ULK4: variants seen among roughly 807,000 people sequenced by gnomAD.
ULK4 encodes unc-51 like kinase 4, also known as inactive serine/threonine-protein kinase ULK4.
ULK4 carries 133 observed loss-of-function variants against 160.6 expected under a neutral mutation model. The ratio of observed to expected loss-of-function variants is 0.83; its 90% CI spans 0.72 to 0.96. The LOEUF is 0.96. Among genes scored for constraint, ULK4 ranks in the 40% least tolerant of loss-of-function variants. The pLI is 0.00. For synonymous variants in ULK4, 534 were observed against 539.8 expected, an observed-to-expected ratio of 0.99 and a Z score of 0.15; for missense variants, 1,580 against 1,499.5, an observed-to-expected ratio of 1.05 and a Z score of -0.89.
chr3:41,896,031 T>C (rs1423282633), intron 15 of ULK4, among the ~76,000 whole-genome samples: 4 of 152,112 alleles, frequency 2.6e-5, no homozygotes, highest in Admixed American at 2.0e-4. Flanking sequence ...CAAATTCCCT[T>C]GAGCTTACCA....
intron 35 of ULK4, among the ~76,000 whole-genome samples, chr3:41,354,880 T>C (rs539513068): frequency 6.6e-6 from 1 of 152,332 alleles, no homozygotes; most frequent in African/African-American, 2.4e-5. Context: ...ATTTCAGAGA[T>C]CCAGAATGGC....
chr3:41,959,511 G>A (rs1700600972), intron 1 of ULK4, among the ~76,000 whole-genome samples: 1 of 151,840 alleles, frequency 6.6e-6, no homozygotes, highest in African/African-American at 2.4e-5. Context: ...GGTGACAAGA[G>A]ACTCCATATC....
At chr3:41,825,349 T>C (rs1018213243) in intron 18 of ULK4, among the ~76,000 whole-genome samples, 3 of 152,126 alleles carry the variant, frequency 2.0e-5, no homozygotes, top group African/African-American at 4.8e-5. Flanking sequence ...AGGCTTCAGA[T>C]GATCAAACTA....
intron 20 of ULK4, among the ~76,000 whole-genome samples, chr3:41,797,852 A>G (rs1040455355): frequency 6.6e-6 from 1 of 151,920 alleles, no homozygotes; most frequent in African/African-American, 2.4e-5. Flanking sequence ...CAAGAGCACA[A>G]CTCTATCTCA....
intron 35 of ULK4, among the ~76,000 whole-genome samples, chr3:41,278,827 A>G (rs1256067451): frequency 6.6e-6 from 1 of 152,184 alleles, no homozygotes; most frequent in African/African-American, 2.4e-5. Flanking sequence ...AGATAAAACC[A>G]CAAAGATGGG....
At chr3:41,802,990 C>T (rs1387794079) in intron 19 of ULK4, among the ~76,000 whole-genome samples, 3 of 152,016 alleles carry the variant, frequency 2.0e-5, no homozygotes, top group African/African-American at 4.8e-5. Flanking sequence ...TATGGTGAAA[C>T]CCCATCTCTA....
intron 17 of ULK4, among the ~76,000 whole-genome samples, chr3:41,856,606 T>C (rs1489286483): frequency 8.6e-5 from 7 of 81,724 alleles, no homozygotes; most frequent in Non-Finnish European, 1.3e-4. Context: ...TATATATGTG[T>C]ATATATATAC....
At chr3:41,276,854 CA>C in intron 35 of ULK4, among the ~76,000 whole-genome samples, 1 of 151,998 alleles carries the variant, frequency 6.6e-6, no homozygotes, top group East Asian at 1.9e-4. Context: ...CAGTAGCATA[CA>C]AATTAAAACA....
intron 25 of ULK4, among the ~76,000 whole-genome samples, chr3:41,705,651 C>A (rs1445636203): frequency 6.6e-6 from 1 of 152,076 alleles, no homozygotes; most frequent in African/African-American, 2.4e-5. Flanking sequence ...CATGTGCCAC[C>A]ACGCCTGGCT....
chr3:41,886,213 C>T (rs190553121), intron 16 of ULK4, among the ~76,000 whole-genome samples: 1 of 152,052 alleles, frequency 6.6e-6, no homozygotes, highest in South Asian at 2.1e-4. Context: ...ATTTAAATAA[C>T]CCCCATGAAG....
rs145783369 is a variant in ULK4, at chr3:41,486,469, C to T, written c.3227-23216G>A. 2.5e-3 allele frequency among the ~76,000 whole-genome samples: 384 copies of T among 152,216 alleles called. 4 individuals carry two copies. Among genetic ancestry groups the T allele is most frequent in the Admixed American group, 5.0e-3 (76 of 15,292 alleles). On this transcript the variant is annotated intron_variant, in intron 32 of 36. Transcript: ENST00000301831. Reference sequence around the variant, plus strand: ...AGAATTGGCCATCATTTACATTTGACGGAGACTCAAAGGCAGGCAGGGGAG... The same window carrying T: ...AGAATTGGCCATCATTTACATTTGATGGAGACTCAAAGGCAGGCAGGGGAG...
At chr3:41,388,982 C>T (rs926359424) in intron 35 of ULK4, among the ~76,000 whole-genome samples, 31 of 151,910 alleles carry the variant, frequency 2.0e-4, no homozygotes, top group South Asian at 8.3e-4. Flanking sequence ...GCCATTTTCA[C>T]GATATTGATT....
intron 19 of ULK4, among the ~76,000 whole-genome samples, chr3:41,804,045 G>T (rs1301382291): frequency 4.5e-4 from 68 of 151,906 alleles, no homozygotes; most frequent in African/African-American, 1.6e-3. Flanking sequence ...GTTCTAGATC[G>T]CTCAGGAATT....
intron 21 of ULK4, among the ~76,000 whole-genome samples, chr3:41,779,728 C>T (rs1430333368): frequency 3.4e-5 from 2 of 59,618 alleles, no homozygotes; most frequent in Non-Finnish European, 6.0e-5. Flanking sequence ...AGTAAACTAT[C>T]GCAAGAACAA....
intron 2 of ULK4, among the ~76,000 whole-genome samples, chr3:41,938,723 C>G (rs1000169882): frequency 6.6e-6 from 1 of 152,038 alleles, no homozygotes; most frequent in Non-Finnish European, 1.5e-5. Flanking sequence ...TTGTGTAATA[C>G]TCTTATGTGT....
intron 34 of ULK4, among the ~76,000 whole-genome samples, chr3:41,411,625 G>T (rs1226485771): frequency 6.6e-6 from 1 of 151,872 alleles, no homozygotes; most frequent in Admixed American, 6.6e-5. Flanking sequence ...TAGAGACAGG[G>T]TTTCACCATG....
chr3:41,663,283 T>A (rs1031901069), intron 30 of ULK4, among the ~76,000 whole-genome samples: 2 of 152,052 alleles, frequency 1.3e-5, no homozygotes, highest in African/African-American at 4.8e-5. Flanking sequence ...TGATAAATAC[T>A]ATTGAGATTT....
intron 2 of ULK4, among the ~76,000 whole-genome samples, chr3:41,943,113 TGAGGCAGCA>T (rs769475812): frequency 4.0e-5 from 6 of 149,730 alleles, no homozygotes; most frequent in Admixed American, 2.0e-4. Flanking sequence ...CTCGGGAGGC[TGAGGCAGCA>T]GAATGGCGTG....
chr3:41,935,209 A>ATTTATTTTTTTTT (rs1559660879), intron 4 of ULK4, among the ~76,000 whole-genome samples: 4 of 135,544 alleles, frequency 3.0e-5, no homozygotes, highest in African/African-American at 1.3e-4. Flanking sequence ...TTATTTATTT[A>ATTTATTTTTTTTT]TTTTTTTTTT....
Sources: gnomAD v4.1 joint callset for allele counts (sites outside exome capture counted in the v4.1 genomes callset) on GRCh38, gnomAD v4.1.1 for gene constraint, MANE v1.5 for transcripts, NCBI Gene and HGNC (gene_info 2026-07-23, HGNC 2026-07-21) for gene names.